Variants in DCC observed in about 807,000 individuals in gnomAD.
DCC encodes DCC netrin 1 receptor, also known as netrin receptor DCC.
Under a neutral mutation model 172.5 loss-of-function variants are expected in DCC, and 58 were observed. The observed-to-expected ratio is 0.34, with a 90% CI of 0.27 to 0.42. DCC has a LOEUF of 0.42. DCC is among the 10% of genes least tolerant of loss of function. The pLI is 1.00. For missense variants in DCC, 1,740 were observed against 1,791.0 expected, an observed-to-expected ratio of 0.97 and a Z score of 0.51; for synonymous variants, 709 against 644.5, an observed-to-expected ratio of 1.10 and a Z score of -1.52.
At chr18:53,078,114 G>A (rs1048420077) in intron 7 of DCC, among the ~76,000 whole-genome samples, 5 of 151,976 alleles carry the variant, frequency 3.3e-5, no homozygotes, top group Non-Finnish European at 7.4e-5. Context: ...AATATTTATC[G>A]AGTACCCAGA....
rs115132300 is a variant in DCC, at chr18:52,755,718, A to G, written c.412+3344A>G. On this transcript the variant is annotated intron_variant, in intron 2 of 28. Coordinates refer to ENST00000442544, the MANE Select transcript of DCC (RefSeq NM_005215.4). The stretch of plus-strand genomic sequence containing the variant: ...TGGTAACAGTAGGCTTTGCTTGGGT[A>G]AAACAACAACAACAAAAAAATGTTT... 7.4e-3 allele frequency among the ~76,000 whole-genome samples: 1,127 copies of G among 152,322 alleles called. 15 individuals carry two copies. Among genetic ancestry groups the G allele is most frequent in the African/African-American group, 0.026 (1,067 of 41,564 alleles).
chr18:53,248,728 C>T (rs2056394858), intron 12 of DCC, among the ~76,000 whole-genome samples: 1 of 152,082 alleles, frequency 6.6e-6, no homozygotes, highest in East Asian at 1.9e-4. Flanking sequence ...AAGCACCATC[C>T]TGATACAAAA....
intron 1 of DCC, among the ~76,000 whole-genome samples, chr18:52,611,367 A>T (rs75510605): frequency 0.016 from 2,480 of 152,248 alleles, 81 homozygotes; most frequent in African/African-American, 0.057. Context: ...ACAAATATAT[A>T]GTTTTGTACC....
chr18:53,240,619 T>G (rs1433744544), intron 12 of DCC, among the ~76,000 whole-genome samples: 1 of 152,172 alleles, frequency 6.6e-6, no homozygotes, highest in East Asian at 1.9e-4. Context: ...TAATTAACAA[T>G]CTAGCCATTG....
At chr18:52,824,073 C>A (rs1568127306) in intron 2 of DCC, among the ~76,000 whole-genome samples, 1 of 152,112 alleles carries the variant, frequency 6.6e-6, no homozygotes, top group African/African-American at 2.4e-5. Context: ...AACTCCATGG[C>A]CAGTTGGTAT....
At chr18:52,712,496 T>C (rs1014114100) in intron 1 of DCC, among the ~76,000 whole-genome samples, 1 of 152,190 alleles carries the variant, frequency 6.6e-6, no homozygotes, top group Non-Finnish European at 1.5e-5. Flanking sequence ...ATTTTACAGA[T>C]GAGAAAAGTG....
At chr18:52,706,209 T>C (rs1460187) in intron 1 of DCC, among the ~76,000 whole-genome samples, 7,501 of 152,300 alleles carry the variant, frequency 0.049, 244 homozygotes, top group Middle Eastern at 0.13. Flanking sequence ...AAAGAACTCA[T>C]TGAACCTTTG....
At chr18:52,634,024 A>G (rs146987792) in intron 1 of DCC, among the ~76,000 whole-genome samples, 3 of 152,228 alleles carry the variant, frequency 2.0e-5, no homozygotes, top group African/African-American at 7.2e-5. Flanking sequence ...CATGACATTC[A>G]GGGAGATGCA....
At chr18:53,021,884 T>C (rs1241703300) in intron 5 of DCC, among the ~76,000 whole-genome samples, 1 of 152,232 alleles carries the variant, frequency 6.6e-6, no homozygotes, top group African/African-American at 2.4e-5. Flanking sequence ...CATTTGGTTT[T>C]ATTTGGACTT....
chr18:53,513,202 A>T (rs2046281196), intron 27 of DCC, among the ~76,000 whole-genome samples: 1 of 152,224 alleles, frequency 6.6e-6, no homozygotes, highest in African/African-American at 2.4e-5. Context: ...TTTCATATCC[A>T]GCCAAACTAA....
At chr18:53,048,637 G>T (rs2042292658) in intron 5 of DCC, among the ~76,000 whole-genome samples, 1 of 149,646 alleles carries the variant, frequency 6.7e-6, no homozygotes, top group African/African-American at 2.5e-5. Context: ...AAGAAAATGT[G>T]ATATATATAT....
At chr18:52,448,443 TGA>T (rs1160195581) in intron 1 of DCC, among the ~76,000 whole-genome samples, 11 of 152,096 alleles carry the variant, frequency 7.2e-5, no homozygotes, top group African/African-American at 2.7e-4. Context: ...AAGGAAATAC[TGA>T]TAGATAAATT....
chr18:52,623,609 C>G (rs1356753395), intron 1 of DCC, among the ~76,000 whole-genome samples: 1 of 152,170 alleles, frequency 6.6e-6, no homozygotes, highest in Non-Finnish European at 1.5e-5. Context: ...TGACTAAAGC[C>G]TTAAGCGAAC....
chr18:53,015,260 C>A (rs1241014792), intron 5 of DCC, among the ~76,000 whole-genome samples: 1 of 152,134 alleles, frequency 6.6e-6, no homozygotes, highest in Non-Finnish European at 1.5e-5. Context: ...GAACTGAAAC[C>A]TTTCTGATCT....
chr18:53,262,353 G>T (rs924006734), intron 12 of DCC, among the ~76,000 whole-genome samples: 1 of 152,176 alleles, frequency 6.6e-6, no homozygotes, highest in African/African-American at 2.4e-5. Context: ...CCATTCTGTG[G>T]TGGTCTAACT....
chr18:52,719,762 G>A (rs189737999), intron 1 of DCC, among the ~76,000 whole-genome samples: 2 of 152,316 alleles, frequency 1.3e-5, no homozygotes, highest in East Asian at 3.9e-4. Flanking sequence ...ACCAGAGGAT[G>A]AGTAGGAGTT....
chr18:53,206,225 A>G (rs1174809072), intron 10 of DCC, among the ~76,000 whole-genome samples: 3 of 38,776 alleles, frequency 7.7e-5, no homozygotes, highest in Non-Finnish European at 1.0e-4. Flanking sequence ...GTGTATATAT[A>G]CATATATGTG....
chr18:52,811,853 A>T (rs1353393638), intron 2 of DCC, among the ~76,000 whole-genome samples: 1 of 152,178 alleles, frequency 6.6e-6, no homozygotes, highest in Admixed American at 6.5e-5. Context: ...AAATAAAGAC[A>T]TTTGGTAAAT....
At chr18:53,316,450 C>T (rs1664403820) in intron 13 of DCC, among the ~76,000 whole-genome samples, 1 of 150,742 alleles carries the variant, frequency 6.6e-6, no homozygotes, top group Admixed American at 6.6e-5. Context: ...TTTTTTGAAA[C>T]CATATGAAAT....
Sources: gnomAD v4.1 joint callset for allele counts (sites outside exome capture counted in the v4.1 genomes callset) on GRCh38, gnomAD v4.1.1 for gene constraint, MANE v1.5 for transcripts, NCBI Gene and HGNC (gene_info 2026-07-23, HGNC 2026-07-21) for gene names.